The following L3MBTL3 variants were observed in gnomAD, a reference collection of about 807,000 sequenced individuals.
L3MBTL3 encodes lethal(3)malignant brain tumor-like protein 3.
In L3MBTL3, 27 loss-of-function variants were observed where a neutral mutation model predicts 102.3. The ratio of observed to expected loss-of-function variants is 0.26; its 90% CI spans 0.19 to 0.36. The LOEUF is 0.36. L3MBTL3 is among the 10% of genes least tolerant of loss of function. The probability of loss-of-function intolerance (pLI) is 1.00; values close to 1 mark genes in which losing one functional copy is unlikely to be tolerated. For synonymous variants in L3MBTL3, 340 were observed against 320.9 expected (o/e 1.06, Z -0.64); for missense variants, 798 against 955.3 (o/e 0.84, Z 2.17).
At chr6:130,061,198 C>A (rs990385584) in intron 10 of L3MBTL3, among the ~76,000 whole-genome samples, 1 of 151,340 alleles carries the variant, frequency 6.6e-6, no homozygotes, top group African/African-American at 2.4e-5. Flanking sequence ...GATTCTCCTG[C>A]CTCAGCCTCC....
At chr6:130,058,148 TCAAAA>T (rs1781643806) in intron 9 of L3MBTL3, among the ~76,000 whole-genome samples, 1 of 16,056 alleles carries the variant, frequency 6.2e-5, no homozygotes, top group African/African-American at 2.5e-4. Flanking sequence ...AGACTCCGTC[TCAAAA>T]AAAAAAAAAA....
intron 19 of L3MBTL3, among the ~76,000 whole-genome samples, chr6:130,116,479 C>T (rs1785687675): frequency 6.6e-6 from 1 of 152,152 alleles, no homozygotes; most frequent in East Asian, 1.9e-4. Context: ...GATTCATGCA[C>T]CCAGCTGCAG....
chr6:130,129,655 T>G (rs1262994017), intron 20 of L3MBTL3, among the ~76,000 whole-genome samples: 2 of 152,210 alleles, frequency 1.3e-5, no homozygotes, highest in East Asian at 3.8e-4. Flanking sequence ...TTCAGAAATA[T>G]AGAAAACTTC....
intron 13 of L3MBTL3, among the ~76,000 whole-genome samples, chr6:130,075,929 G>A (rs946577748): frequency 2.0e-5 from 3 of 152,170 alleles, no homozygotes; most frequent in African/African-American, 7.2e-5. Flanking sequence ...TTGTGTTAAT[G>A]AAAGATTTTA....
intron 18 of L3MBTL3, among the ~76,000 whole-genome samples, 155 bp downstream of exon 18, chr6:130,094,522 A>G (rs1359147631): frequency 3.9e-5 from 6 of 152,200 alleles, no homozygotes; most frequent in Admixed American, 2.6e-4. Context: ...AAATGAAGGG[A>G]ATATCTATAG....
At chr6:130,098,641 A>T (rs1784499326) in intron 18 of L3MBTL3, among the ~76,000 whole-genome samples, 2 of 152,092 alleles carry the variant, frequency 1.3e-5, no homozygotes, top group African/African-American at 2.4e-5. Context: ...GTGTGACCTC[A>T]TTTGGTCCTC....
At chr6:130,119,116 A>G (rs992497917) in intron 19 of L3MBTL3, among the ~76,000 whole-genome samples, 3 of 152,168 alleles carry the variant, frequency 2.0e-5, no homozygotes, top group Admixed American at 2.0e-4. Context: ...AATATACAGA[A>G]AATTTTGACT....
At chr6:130,055,425 T>A (rs1781403261) in intron 8 of L3MBTL3, among the ~76,000 whole-genome samples, 170 bp downstream of exon 8, 1 of 152,004 alleles carries the variant, frequency 6.6e-6, no homozygotes, top group Admixed American at 6.6e-5. Context: ...ATGAAAATTC[T>A]TAACTTTCAA....
In L3MBTL3 at chr6:130,141,198, T is replaced by G. The variant is rs1228773639; in HGVS notation, c.*1445T>G. 2 of 152,210 alleles carry G rather than the reference T, an allele frequency of 1.3e-5. No homozygotes were observed. The highest frequency in any genetic ancestry group is 4.8e-5 in the African/African-American group (2 of 41,468). The allele number at this position is 152,210 out of a possible 1,614,324, so 9.4% of individuals were successfully genotyped here. A position where few individuals can be genotyped will look rare whatever the true frequency, so the allele number is the denominator to read the frequency against. On this transcript the variant is annotated 3_prime_UTR_variant, in exon 23 of 23. Coordinates refer to ENST00000361794, the MANE Select transcript of L3MBTL3 (RefSeq NM_032438.4). ...CACCTCTTCTTTAGTTGCTTTCGTT[T>G]TTTATGATGTAGGACTTCCTTTGAT...
At chr6:130,069,567 G>T (rs1309654042) in intron 12 of L3MBTL3, among the ~76,000 whole-genome samples, 1 of 151,048 alleles carries the variant, frequency 6.6e-6, no homozygotes, top group Non-Finnish European at 1.5e-5. Context: ...TGAGAGGATA[G>T]TGTAATTGCC....
At chr6:130,042,878 G>A in intron 3 of L3MBTL3, 77 bp downstream of exon 3, 2 of 960,750 alleles carry the variant, frequency 2.1e-6, no homozygotes, top group East Asian at 2.5e-5. Context: ...ATACATATGT[G>A]AAATAAAAAT....
chr6:130,021,637 G>T (rs1326696046), intron 1 of L3MBTL3, among the ~76,000 whole-genome samples: 2 of 152,162 alleles, frequency 1.3e-5, no homozygotes, highest in Non-Finnish European at 2.9e-5. Flanking sequence ...TGAAGAAATG[G>T]AAAAGACCTT....
chr6:130,100,355 A>G (rs935033810), intron 18 of L3MBTL3, among the ~76,000 whole-genome samples: 2 of 152,072 alleles, frequency 1.3e-5, no homozygotes, highest in Admixed American at 6.5e-5. Flanking sequence ...ATGTCCAGTC[A>G]CCTGAGCTCC....
chr6:130,037,043 C>A (rs1377388194), intron 2 of L3MBTL3, among the ~76,000 whole-genome samples: 2 of 152,084 alleles, frequency 1.3e-5, no homozygotes, highest in African/African-American at 4.8e-5. Flanking sequence ...TTGATAAAAT[C>A]CCTGTTTTTC....
intron 12 of L3MBTL3, among the ~76,000 whole-genome samples, chr6:130,070,222 T>A (rs948665754): frequency 2.0e-5 from 3 of 152,200 alleles, no homozygotes; most frequent in African/African-American, 7.2e-5. Flanking sequence ...ATAGATAGAT[T>A]AAGATATTAT....
At chr6:130,086,402 T>C (rs566219289) in intron 16 of L3MBTL3, 152 bp downstream of exon 16, 1 of 635,452 alleles carries the variant, frequency 1.6e-6, no homozygotes, top group East Asian at 2.7e-5. Flanking sequence ...TAAATCAGCA[T>C]TCTTCCAGGT....
chr6:130,126,004 C>T (rs537796716), intron 20 of L3MBTL3, among the ~76,000 whole-genome samples: 23 of 138,992 alleles, frequency 1.7e-4, no homozygotes, highest in Non-Finnish European at 3.5e-4. Flanking sequence ...TAATTATGAG[C>T]TTTTGGGGAT....
At chr6:130,054,159 A>G (rs1171492404) in intron 7 of L3MBTL3, among the ~76,000 whole-genome samples, 4 of 152,224 alleles carry the variant, frequency 2.6e-5, no homozygotes, top group Non-Finnish European at 5.9e-5. Context: ...TAGAACTTCC[A>G]GAGGAAAGTC....
At chr6:130,035,336 C>T (rs1779989062) in intron 2 of L3MBTL3, among the ~76,000 whole-genome samples, 1 of 152,092 alleles carries the variant, frequency 6.6e-6, no homozygotes, top group Non-Finnish European at 1.5e-5. Flanking sequence ...GATTTATTTA[C>T]ATGAGAGAGT....
Sources: allele counts gnomAD v4.1 joint callset (sites outside exome capture counted in the v4.1 genomes callset), GRCh38; gene constraint gnomAD v4.1.1; transcripts MANE v1.5; gene names NCBI Gene and HGNC (gene_info 2026-07-23, HGNC 2026-07-21).